ORC3: variants seen among roughly 807,000 people sequenced by gnomAD.
The protein encoded by ORC3 is origin recognition complex subunit 3.
ORC3 carries 78 observed loss-of-function variants against 100.7 expected under a neutral mutation model. The ratio of observed to expected loss-of-function variants is 0.77; its 90% confidence interval spans 0.65 to 0.94. ORC3 has a LOEUF of 0.94. Among genes scored for constraint, ORC3 ranks in the 40% least tolerant of loss-of-function variants. The pLI is 0.00. For missense variants in ORC3, 789 were observed against 823.9 expected, an observed-to-expected ratio of 0.96 and a Z score of 0.52; for synonymous variants, 295 against 289.3, an observed-to-expected ratio of 1.02 and a Z score of -0.20.
At chr6:87,670,850 G>A (rs1271698226), downstream of ORC3, among the ~76,000 whole-genome samples, 2 of 152,200 alleles carry the variant, frequency 1.3e-5, no homozygotes, top group African/African-American at 4.8e-5. Context: ...AGGATGTCAG[G>A]CTGCAATTTT....
At chr6:87,625,096 T>C (rs1208381580) in intron 11 of ORC3, among the ~76,000 whole-genome samples, 1 of 152,234 alleles carries the variant, frequency 6.6e-6, no homozygotes, top group African/African-American at 2.4e-5. Flanking sequence ...AGTCTATTAT[T>C]GATGGACATT....
At chr6:87,619,775 CTTGGCCAAGGT>C (rs1432881391) in intron 9 of ORC3, among the ~76,000 whole-genome samples, 2 of 152,200 alleles carry the variant, frequency 1.3e-5, no homozygotes, top group Non-Finnish European at 2.9e-5. Flanking sequence ...AGTTAAGTGG[CTTGGCCAAGGT>C]CACACCACTA....
rs748824610 is a variant in ORC3 at position 87,653,026 on chromosome 6, G to A, written c.1383-90G>A. 52 of 995,598 alleles carry A rather than the reference G, an allele frequency of 5.2e-5. No individual in the cohort carries two copies. In the Middle Eastern group the frequency reaches 1.0e-3, roughly 20 times the overall value. The allele number at this position is 995,598 out of a possible 1,614,324, so 61.7% of individuals were successfully genotyped here. On this transcript the variant is annotated intron_variant, in intron 13 of 19. Transcript: ENST00000392844. ...GAAGAATTTCTTTTATCTTCTGAGCGGAAACATTTAATATGTATATTAAAT... is the reference window on the plus strand; with the variant it reads ...GAAGAATTTCTTTTATCTTCTGAGCAGAAACATTTAATATGTATATTAAAT...
At position 87,605,919 on chromosome 6, in the gene ORC3, G is replaced by A. The variant is rs769554390; in HGVS notation, c.325G>A (p.Val109Met). 2 of 1,547,412 alleles carry A rather than the reference G, an allele frequency of 1.3e-6. No individual in the cohort carries two copies. Among genetic ancestry groups the A allele is most frequent in the Non-Finnish European group, 1.8e-6 (2 of 1,121,108 alleles). The stretch of plus-strand genomic sequence containing the variant: ...AATATTGATGTATTATCTCATAGGT[G>A]TGAATGTCACAGATCATGATTTGAC... ...EIPTAALVLG[V>M]NVTDHDLTFG... The change falls in exon 5 of 20, where the codon GTG (valine) becomes ATG (methionine). Residue 109 changes from valine to methionine, a missense_variant and splice_region_variant. Val to Met is a conservative substitution (Grantham distance 21, BLOSUM62 1). Around this residue, in one of 3 missense-constraint regions of ORC3, gnomAD observed 399 missense variants for 382.0 expected, o/e 1.04. Coordinates refer to ENST00000392844, the MANE Select transcript of ORC3 (RefSeq NM_012381.4).
intron 7 of ORC3, among the ~76,000 whole-genome samples, chr6:87,611,333 A>G (rs1421049292): frequency 2.0e-5 from 3 of 152,148 alleles, no homozygotes; most frequent in Non-Finnish European, 4.4e-5. Context: ...TGGAAAGTAC[A>G]TAGTACAAAA....
chr6:87,615,829 C>T (rs760850805), intron 8 of ORC3, among the ~76,000 whole-genome samples: 3 of 152,084 alleles, frequency 2.0e-5, no homozygotes, highest in Non-Finnish European at 4.4e-5. Context: ...GAAAATTAGC[C>T]AAATAATACA....
intron 2 of ORC3, among the ~76,000 whole-genome samples, chr6:87,597,299 GAT>G (rs1777520357): frequency 6.6e-6 from 1 of 152,144 alleles, no homozygotes; most frequent in Non-Finnish European, 1.5e-5. Context: ...CTTGAGGTGA[GAT>G]ATGGAATTTT....
chr6:87,663,249 G>A, intron 17 of ORC3, 105 bp downstream of exon 17: 2 of 838,272 alleles, frequency 2.4e-6, no homozygotes, highest in African/African-American at 1.7e-5. Flanking sequence ...CAGAGAGTCG[G>A]CAATTCAGGG....
intron 11 of ORC3, among the ~76,000 whole-genome samples, chr6:87,622,501 A>G (rs1005610842): frequency 6.6e-6 from 1 of 152,178 alleles, no homozygotes. Context: ...GAAAATTATC[A>G]GTGAGCTGTA....
intron 13 of ORC3, among the ~76,000 whole-genome samples, chr6:87,644,716 GC>G (rs967061274): frequency 6.6e-6 from 1 of 152,118 alleles, no homozygotes; most frequent in Non-Finnish European, 1.5e-5. Context: ...TGGCGTGGTG[GC>G]GTGTGCCTAT....
At chr6:87,613,680 A>C (rs1398511131) in intron 8 of ORC3, among the ~76,000 whole-genome samples, 1 of 152,208 alleles carries the variant, frequency 6.6e-6, no homozygotes, top group Non-Finnish European at 1.5e-5. Flanking sequence ...AATGGGAGAA[A>C]TTGGCCAAAA....
chr6:87,634,436 C>T (rs1767659510), intron 11 of ORC3, among the ~76,000 whole-genome samples: 1 of 152,162 alleles, frequency 6.6e-6, no homozygotes, highest in Non-Finnish European at 1.5e-5. Flanking sequence ...AGGTTGGTAC[C>T]ATTCTGTCTG....
At chr6:87,601,699 A>T in intron 2 of ORC3, 85 bp from the exon 3 acceptor site, 2 of 784,536 alleles carry the variant, frequency 2.5e-6, no homozygotes, top group South Asian at 1.6e-5. Context: ...CACTTCTGTC[A>T]CTTACTGTGT....
intron 1 of ORC3, among the ~76,000 whole-genome samples, 196 bp downstream of exon 1, chr6:87,590,388 T>C (rs1366524061): frequency 6.6e-6 from 1 of 152,140 alleles, no homozygotes; most frequent in Non-Finnish European, 1.5e-5. Flanking sequence ...GGATCTGCCT[T>C]GTGGTATGGC....
chr6:87,653,084 T>C (rs1484844612), intron 13 of ORC3, 32 bp from the exon 14 acceptor site: 2 of 1,529,048 alleles, frequency 1.3e-6, no homozygotes, highest in South Asian at 2.5e-5. Context: ...TTTCTAGTTA[T>C]ATTACATTTC....
chr6:87,671,490 T>C (rs1314614492), downstream of ORC3, among the ~76,000 whole-genome samples: 2 of 151,366 alleles, frequency 1.3e-5, no homozygotes, highest in Non-Finnish European at 2.9e-5. Flanking sequence ...TAACTGAAGA[T>C]GTCACATGAA....
At chr6:87,611,362 A>C (rs910556808) in intron 7 of ORC3, among the ~76,000 whole-genome samples, 3 of 152,182 alleles carry the variant, frequency 2.0e-5, no homozygotes, top group African/African-American at 7.2e-5. Flanking sequence ...GAAAAGCTGT[A>C]CTTTTTTTTG....
At chr6:87,594,572 A>G (rs1391364253) in intron 2 of ORC3, 165 bp downstream of exon 2, 6 of 1,277,848 alleles carry the variant, frequency 4.7e-6, no homozygotes, top group African/African-American at 4.5e-5. Context: ...AGGACACCCC[A>G]GGGCTCTAAT....
intron 13 of ORC3, among the ~76,000 whole-genome samples, chr6:87,641,475 A>G (rs1246450033): frequency 6.6e-6 from 1 of 152,198 alleles, no homozygotes; most frequent in Non-Finnish European, 1.5e-5. Context: ...CAGCAGAGCA[A>G]GCTTCTGTGG....
Sources: gnomAD v4.1 joint callset for allele counts (sites outside exome capture counted in the v4.1 genomes callset) on GRCh38, gnomAD v4.1.1 for gene constraint, gnomAD v4.1.1 regional missense constraint, MANE v1.5 for transcripts, NCBI Gene and HGNC (gene_info 2026-07-23, HGNC 2026-07-21) for gene names.